Variants in PSD3 observed in about 807,000 individuals in gnomAD.
PSD3 encodes pleckstrin and Sec7 domain containing 3, also known as PH and SEC7 domain-containing protein 3.
Under a neutral mutation model 105.5 loss-of-function variants are expected in PSD3, and 49 were observed. That is an observed-to-expected ratio of 0.46 (90% CI 0.37 to 0.59). The LOEUF (loss-of-function observed/expected upper bound fraction) is 0.59, where lower values mean the gene tolerates loss of function less well. Among genes scored for constraint, PSD3 ranks in the 20% least tolerant of loss-of-function variants. The pLI is 0.00. For synonymous variants in PSD3, 557 were observed against 457.8 expected (o/e 1.22, Z -2.77); for missense variants, 1,561 against 1,263.8 (o/e 1.24, Z -3.57).
At chr8:19,042,090 A>G (rs181337748) in intron 1 of PSD3, among the ~76,000 whole-genome samples, 96 of 152,318 alleles carry the variant, frequency 6.3e-4, no homozygotes, top group African/African-American at 2.2e-3. Flanking sequence ...ATGTGTTTAT[A>G]TGGGAACAAA....
chr8:18,632,837 A>G lies in PSD3; in HGVS notation c.2217-31T>C, dbSNP rs143366392. 2.1e-3 allele frequency: 3,069 copies of G among 1,456,796 alleles called. 51 individuals carry two copies. In the African/African-American group the frequency reaches 0.038, roughly 18 times the overall value. The allele number at this position is 1,456,796 out of a possible 1,614,324, so 90.2% of individuals were successfully genotyped here. A position where few individuals can be genotyped will look rare whatever the true frequency, so the allele number is the denominator to read the frequency against. On this transcript the variant is annotated intron_variant, in intron 10 of 15. Transcript: ENST00000327040. ...AGGGAGAAAGCACAAAGACTGAGTC[A>G]AGCACCTATCATAATATTCAAAGAA...
intron 1 of PSD3, among the ~76,000 whole-genome samples, chr8:19,032,208 G>A (rs958378719): frequency 8.5e-5 from 13 of 152,098 alleles, no homozygotes; most frequent in African/African-American, 3.1e-4. Context: ...AAAGTTTGTT[G>A]AGGAATTTTT....
At chr8:18,881,247 G>A (rs531889384) in intron 2 of PSD3, among the ~76,000 whole-genome samples, 11 of 152,240 alleles carry the variant, frequency 7.2e-5, no homozygotes, top group African/African-American at 2.6e-4. Flanking sequence ...ATGTTAAGAT[G>A]AATTTTAGGA....
intron 9 of PSD3, among the ~76,000 whole-genome samples, chr8:18,743,926 C>T (rs1158561984): frequency 6.6e-6 from 1 of 150,606 alleles, no homozygotes; most frequent in Non-Finnish European, 1.5e-5. Context: ...CTATATTGCA[C>T]TCCAGCCTGG....
At position 18,535,544 on chromosome 8, in the gene PSD3, G is replaced by A. The variant is rs1799802479; in HGVS notation, c.*199C>T. ...GAAAAGGTGCATTAGCTATCAAGTT[G>A]CAAAAATCATCAAAGCAAAAGAAAT... On this transcript the variant is annotated 3_prime_UTR_variant, in exon 16 of 16. Transcript: ENST00000327040. The A allele has an allele frequency of 1.7e-6, 1 of 575,116 alleles. No homozygotes were observed. Among genetic ancestry groups the A allele is most frequent in the Non-Finnish European group, 3.1e-6 (1 of 325,446 alleles). 35.6% of individuals were successfully genotyped at this position (575,116 alleles called of 1,614,324 possible). A position where few individuals can be genotyped will look rare whatever the true frequency, so the allele number is the denominator to read the frequency against.
intron 2 of PSD3, among the ~76,000 whole-genome samples, chr8:18,914,425 A>G (rs1820449649): frequency 6.6e-6 from 1 of 152,220 alleles, no homozygotes; most frequent in African/African-American, 2.4e-5. Context: ...AATAAGTAAA[A>G]TGGTCTCTTT....
rs141586715 is a variant in PSD3, at chr8:18,891,165, A to G, written c.131-18432T>C. Reference sequence around the variant, plus strand: ...AGGTAGATATCAGGTATACCTAAATATAAGGCAACTCTAAGTAACTGTTAG... The same window carrying G: ...AGGTAGATATCAGGTATACCTAAATGTAAGGCAACTCTAAGTAACTGTTAG... On this transcript the variant is annotated intron_variant, in intron 2 of 15. Transcript: ENST00000327040. Among the ~76,000 whole-genome samples, 233 of 152,320 alleles carry G rather than the reference A, an allele frequency of 1.5e-3. 2 individuals are homozygous for G. Among genetic ancestry groups the G allele is most frequent in the African/African-American group, 5.4e-3 (223 of 41,576 alleles).
intron 8 of PSD3, among the ~76,000 whole-genome samples, chr8:18,798,524 C>G (rs973567599): frequency 3.9e-5 from 6 of 152,072 alleles, no homozygotes; most frequent in Non-Finnish European, 5.9e-5. Flanking sequence ...AGCAGAATAT[C>G]TAAATATCAA....
At chr8:18,765,882 C>T (rs185319661) in intron 8 of PSD3, among the ~76,000 whole-genome samples, 6 of 151,582 alleles carry the variant, frequency 4.0e-5, no homozygotes, top group Admixed American at 3.9e-4. Context: ...GCAGGAGAAT[C>T]GCTTGAACCC....
At chr8:18,758,153 A>G (rs969314893) in intron 9 of PSD3, among the ~76,000 whole-genome samples, 1 of 152,230 alleles carries the variant, frequency 6.6e-6, no homozygotes, top group East Asian at 1.9e-4. Context: ...CAGAATGTTG[A>G]CATTAATAAA....
At chr8:18,768,373 A>G (rs1307478126) in intron 8 of PSD3, among the ~76,000 whole-genome samples, 1 of 152,178 alleles carries the variant, frequency 6.6e-6, no homozygotes, top group Non-Finnish European at 1.5e-5. Flanking sequence ...TGGGAGGCCC[A>G]GGAAGGAGGA....
At chr8:18,926,111 T>G (rs1161934341) in intron 2 of PSD3, among the ~76,000 whole-genome samples, 2 of 140,518 alleles carry the variant, frequency 1.4e-5, no homozygotes, top group African/African-American at 5.4e-5. Flanking sequence ...AATGGTATGT[T>G]GTTTTTTTTT....
At chr8:19,029,064 C>T (rs189989813) in intron 1 of PSD3, among the ~76,000 whole-genome samples, 2 of 152,136 alleles carry the variant, frequency 1.3e-5, no homozygotes, top group Admixed American at 6.5e-5. Flanking sequence ...TCATTACTAG[C>T]TTTATAGTAA....
At chr8:18,659,999 T>C (rs1809224256) in intron 9 of PSD3, among the ~76,000 whole-genome samples, 1 of 152,124 alleles carries the variant, frequency 6.6e-6, no homozygotes, top group South Asian at 2.1e-4. Context: ...TATGAATACA[T>C]ACAGTGAAGC....
At chr8:18,837,119 A>C (rs1184610478) in intron 4 of PSD3, among the ~76,000 whole-genome samples, 1 of 152,176 alleles carries the variant, frequency 6.6e-6, no homozygotes, top group East Asian at 1.9e-4. Context: ...CTAGAAACTG[A>C]ATCCCAGATA....
intron 9 of PSD3, among the ~76,000 whole-genome samples, chr8:18,721,619 G>T (rs1392368482): frequency 6.6e-6 from 1 of 152,214 alleles, no homozygotes; most frequent in Non-Finnish European, 1.5e-5. Context: ...AACAAGACCA[G>T]AGATGGGCCT....
chr8:19,044,471 A>G (rs1828244558), intron 1 of PSD3, among the ~76,000 whole-genome samples: 1 of 152,200 alleles, frequency 6.6e-6, no homozygotes, highest in African/African-American at 2.4e-5. Flanking sequence ...TAATCTGTAA[A>G]TGTGTTAATC....
intron 1 of PSD3, among the ~76,000 whole-genome samples, chr8:18,990,272 A>G (rs1397159428): frequency 1.3e-5 from 2 of 152,182 alleles, no homozygotes; most frequent in East Asian, 1.9e-4. Context: ...AAATCCAGGT[A>G]CCCTCCTTTA....
At chr8:18,868,289 A>T (rs1447058965) in intron 3 of PSD3, among the ~76,000 whole-genome samples, 2 of 152,188 alleles carry the variant, frequency 1.3e-5, no homozygotes, top group Non-Finnish European at 2.9e-5. Context: ...ATAAAGTTTC[A>T]AACTAGTTTC....
Sources: gnomAD v4.1 joint callset for allele counts (sites outside exome capture counted in the v4.1 genomes callset) on GRCh38, gnomAD v4.1.1 for gene constraint, MANE v1.5 for transcripts, NCBI Gene and HGNC (gene_info 2026-07-23, HGNC 2026-07-21) for gene names.